Variants in COG7 observed in about 807,000 individuals in gnomAD.
The protein encoded by COG7 is conserved oligomeric Golgi complex subunit 7.
A neutral mutation model predicts 91.5 loss-of-function variants in COG7; 49 were observed. That is an observed-to-expected ratio of 0.54 (90% confidence interval 0.43 to 0.68). The LOEUF is 0.68. Among genes scored for constraint, COG7 ranks in the 30% least tolerant of loss-of-function variants. COG7 has a pLI of 0.00. For missense variants in COG7, 895 were observed against 961.3 expected, an observed-to-expected ratio of 0.93 and a Z score of 0.91; for synonymous variants, 365 against 388.7, an observed-to-expected ratio of 0.94 and a Z score of 0.72.
chr16:23,398,917 A>C (rs748882476), intron 13 of COG7, among the ~76,000 whole-genome samples: 4 of 152,128 alleles, frequency 2.6e-5, no homozygotes, highest in Non-Finnish European at 5.9e-5. Context: ...GAGTTGGGTA[A>C]AGGACCTGTG....
intron 12 of COG7, 58 bp downstream of exon 12, chr16:23,406,018 G>A: frequency 6.6e-7 from 1 of 1,507,912 alleles, no homozygotes; most frequent in Non-Finnish European, 9.2e-7. Flanking sequence ...AGAGGGAGAG[G>A]GTGAGTGATG....
intron 7 of COG7, among the ~76,000 whole-genome samples, chr16:23,423,842 G>A (rs1049593048): frequency 7.9e-5 from 12 of 152,306 alleles, no homozygotes; most frequent in African/African-American, 1.9e-4. Context: ...TAACATAGAC[G>A]GGAAAGAGCT....
At chr16:23,412,204 C>G (rs1963574812) in intron 10 of COG7, among the ~76,000 whole-genome samples, 1 of 152,144 alleles carries the variant, frequency 6.6e-6, no homozygotes. Context: ...TTGTATGGTG[C>G]TTCTCTTCTC....
chr16:23,445,032 TA>T lies in COG7; in HGVS notation c.435+15del. On this transcript the variant is annotated intron_variant, in intron 3 of 16. Transcript: ENST00000307149. The stretch of plus-strand genomic sequence containing the variant: ...CTTAAATACCTTTCATAACATCCCC[TA>T]AACAAGAAACCTACCTGAGTCTTAA... The T allele has an allele frequency of 6.3e-7, 1 of 1,587,086 alleles. No homozygotes were observed. Among genetic ancestry groups the T allele is most frequent in the South Asian group, 1.1e-5 (1 of 90,598 alleles).
At chr16:23,451,178 G>A (rs1964259228) in intron 1 of COG7, among the ~76,000 whole-genome samples, 1 of 152,074 alleles carries the variant, frequency 6.6e-6, no homozygotes, top group African/African-American at 2.4e-5. Context: ...GGGGGAAAGA[G>A]CGAGACTTCG....
chr16:23,389,754 T>C (rs1213325142), intron 16 of COG7: 2 of 153,116 alleles, frequency 1.3e-5, no homozygotes, highest in Admixed American at 6.5e-5. Flanking sequence ...GGGGATACAA[T>C]CGGATACAGA....
intron 11 of COG7, among the ~76,000 whole-genome samples, chr16:23,409,091 G>GCGCA: frequency 7.7e-6 from 1 of 129,048 alleles, no homozygotes; most frequent in African/African-American, 3.1e-5. Context: ...GTGTGTGTGC[G>GCGCA]TGCATGTGTG....
chr16:23,446,715 G>T (rs1964189066), intron 1 of COG7: 1 of 152,208 alleles, frequency 6.6e-6, no homozygotes, highest in Non-Finnish European at 1.5e-5. Context: ...GGCTCCCAAA[G>T]TGCTGGGAAT....
At position 23,399,706 on chromosome 16, in the gene COG7, A is replaced by G. The variant is rs765570583; in HGVS notation, c.1804-1577T>C. The stretch of plus-strand genomic sequence containing the variant: ...TGGCCATAGGATGTATGCGGTACAC[A>G]GAGGCAGACAGAGGCTGGAGGGAGA... On this transcript the variant is annotated intron_variant, in intron 13 of 16. Transcript: ENST00000307149. 3.3e-5 allele frequency among the ~76,000 whole-genome samples: 5 copies of G among 152,298 alleles called. No individual in the cohort carries two copies. The South Asian group carries it at 6.2e-4, about 19-fold the overall frequency.
intron 4 of COG7, among the ~76,000 whole-genome samples, chr16:23,439,943 G>GCAATAATT (rs1434584672): frequency 6.6e-6 from 1 of 151,970 alleles, no homozygotes; most frequent in Non-Finnish European, 1.5e-5. Context: ...AAAATTTTAG[G>GCAATAATT]CAATAATTGC....
intron 7 of COG7, among the ~76,000 whole-genome samples, chr16:23,420,386 C>G (rs997298726): frequency 6.6e-6 from 1 of 152,164 alleles, no homozygotes; most frequent in Non-Finnish European, 1.5e-5. Context: ...TAATAGCCTA[C>G]TTACTGGTAT....
intron 15 of COG7, 67 bp from the exon 16 acceptor site, chr16:23,392,590 C>A: frequency 6.3e-7 from 1 of 1,589,956 alleles, no homozygotes; most frequent in Non-Finnish European, 8.6e-7. Context: ...CACCAAAGTA[C>A]CAGGAAGCTT....
At chr16:23,409,086 T>TGTGTGTGTGTGTGTGCGC (rs1555493316) in intron 11 of COG7, among the ~76,000 whole-genome samples, 1 of 113,260 alleles carries the variant, frequency 8.8e-6, no homozygotes, top group African/African-American at 3.9e-5. Flanking sequence ...TGTGTGTGTG[T>TGTGTGTGTGTGTGTGCGC]GTGCGTGCAT....
chr16:23,397,302 G>A (rs982381173), intron 14 of COG7, among the ~76,000 whole-genome samples: 1 of 152,196 alleles, frequency 6.6e-6, no homozygotes, highest in Non-Finnish European at 1.5e-5. Flanking sequence ...AGAGCGTAAG[G>A]CAGAAATCAC....
At chr16:23,434,525 A>C in intron 5 of COG7, 111 bp downstream of exon 5, 1 of 832,468 alleles carries the variant, frequency 1.2e-6, no homozygotes, top group South Asian at 1.4e-5. Context: ...AAACAGCCAG[A>C]GGGCAAGGAG....
intron 4 of COG7, among the ~76,000 whole-genome samples, chr16:23,438,597 G>A (rs548586120): frequency 6.6e-6 from 1 of 151,916 alleles, no homozygotes; most frequent in Non-Finnish European, 1.5e-5. Context: ...GAAAGGATTT[G>A]AATAGACATT....
chr16:23,404,454 G>A (rs1052158361), intron 12 of COG7, among the ~76,000 whole-genome samples: 1 of 152,238 alleles, frequency 6.6e-6, no homozygotes, highest in African/African-American at 2.4e-5. Context: ...CAGAAGCATG[G>A]ATGAATGAGT....
At chr16:23,405,517 CTT>C (rs869133051) in intron 12 of COG7, among the ~76,000 whole-genome samples, 22 of 139,118 alleles carry the variant, frequency 1.6e-4, no homozygotes, top group East Asian at 2.1e-4. Flanking sequence ...CTCTTTTTTC[CTT>C]TTTTTTTTTT....
chr16:23,396,018 C>A (rs1382568236), intron 14 of COG7, among the ~76,000 whole-genome samples: 1 of 152,256 alleles, frequency 6.6e-6, no homozygotes, highest in Admixed American at 6.5e-5. Flanking sequence ...GGCGTCCTAA[C>A]AGAGCAGCCA....
Sources: allele counts gnomAD v4.1 joint callset (sites outside exome capture counted in the v4.1 genomes callset), GRCh38; gene constraint gnomAD v4.1.1; transcripts MANE v1.5; gene names NCBI Gene and HGNC (gene_info 2026-07-23, HGNC 2026-07-21).